Variants in SLC25A26 observed in about 807,000 individuals in gnomAD.
SLC25A26 encodes mitochondrial S-adenosylmethionine carrier protein.
In SLC25A26, 36 loss-of-function variants were observed where a neutral mutation model predicts 37.8. The ratio of observed to expected loss-of-function variants is 0.95; its 90% CI spans 0.73 to 1.26. The LOEUF is 1.26. Among genes scored for constraint, SLC25A26 ranks in the 50% most tolerant of loss-of-function variants. The probability of loss-of-function intolerance (pLI) is 0.00; values close to 1 mark genes in which losing one functional copy is unlikely to be tolerated. For synonymous variants in SLC25A26, 129 were observed against 122.5 expected (o/e 1.05, Z -0.35); for missense variants, 390 against 331.1 (o/e 1.18, Z -1.38).
chr3:66,227,401 C>T (rs965230732), intron 1 of SLC25A26, among the ~76,000 whole-genome samples: 4 of 151,978 alleles, frequency 2.6e-5, no homozygotes, highest in African/African-American at 7.3e-5. Flanking sequence ...TATAAAATGT[C>T]GTGTGCATTT....
chr3:66,341,418 A>G (rs1158515104), intron 5 of SLC25A26, among the ~76,000 whole-genome samples: 3 of 152,124 alleles, frequency 2.0e-5, no homozygotes, highest in African/African-American at 7.2e-5. Flanking sequence ...TTTAATTGGC[A>G]CTCTAACATG....
intron 6 of SLC25A26, among the ~76,000 whole-genome samples, chr3:66,358,498 G>T (rs781220116): frequency 6.6e-6 from 1 of 152,210 alleles, no homozygotes; most frequent in Non-Finnish European, 1.5e-5. Context: ...TGGAAGTAAA[G>T]TGTCTCATGA....
chr3:66,202,944 G>A (rs2071129375), intron 1 of SLC25A26, among the ~76,000 whole-genome samples: 1 of 152,090 alleles, frequency 6.6e-6, no homozygotes, highest in Non-Finnish European at 1.5e-5. Flanking sequence ...AATTATACAT[G>A]TATTACGTTG....
chr3:66,359,985 G>A (rs550863337), intron 6 of SLC25A26, among the ~76,000 whole-genome samples: 1 of 152,310 alleles, frequency 6.6e-6, no homozygotes, highest in African/African-American at 2.4e-5. Flanking sequence ...TATGGATAGA[G>A]GGAAATGTTG....
At chr3:66,263,780 T>A (rs1321661481) in intron 5 of SLC25A26, among the ~76,000 whole-genome samples, 3 of 152,092 alleles carry the variant, frequency 2.0e-5, no homozygotes, top group African/African-American at 7.2e-5. Context: ...TGCGTCAGCC[T>A]CCCGAGTAGC....
chr3:66,157,353 G>A (rs1478889079), intron 1 of SLC25A26, among the ~76,000 whole-genome samples: 1 of 152,178 alleles, frequency 6.6e-6, no homozygotes, highest in Admixed American at 6.5e-5. Flanking sequence ...ACTTTGGAAG[G>A]CCAGTGTGAG....
chr3:66,277,577 T>C (rs1203039141), intron 5 of SLC25A26, among the ~76,000 whole-genome samples: 1 of 152,150 alleles, frequency 6.6e-6, no homozygotes, highest in Non-Finnish European at 1.5e-5. Context: ...ACATTGTGTA[T>C]CAAATCATCA....
intron 5 of SLC25A26, among the ~76,000 whole-genome samples, chr3:66,296,112 G>A (rs1031595331): frequency 1.3e-5 from 2 of 151,912 alleles, no homozygotes; most frequent in Non-Finnish European, 1.5e-5. Context: ...GCAAGACTCC[G>A]TCTTGGAAAA....
chr3:66,277,569 A>G (rs925312038), intron 5 of SLC25A26, among the ~76,000 whole-genome samples: 2 of 152,142 alleles, frequency 1.3e-5, no homozygotes, highest in East Asian at 3.9e-4. Context: ...ATCATTACAC[A>G]TTGTGTATCA....
chr3:66,332,530 A>G (rs923884183), intron 5 of SLC25A26, among the ~76,000 whole-genome samples: 1 of 152,000 alleles, frequency 6.6e-6, no homozygotes, highest in East Asian at 1.9e-4. Flanking sequence ...ACAATTGATG[A>G]TTTTCTAGAA....
rs543566450 is a variant in SLC25A26 at position 66,265,240 on chromosome 3, G to A, written c.453+1861G>A. 7.8e-4 allele frequency among the ~76,000 whole-genome samples: 118 copies of A among 152,194 alleles called. 1 individual carries two copies. Among genetic ancestry groups the A allele is most frequent in the Admixed American group, 4.4e-3 (68 of 15,284 alleles). ...GAGGACTGCTTGAGCCTGGGATGTCGAGGCTGCAGTGAGCTGTGATTGTGC... is the reference window on the plus strand; with the variant it reads ...GAGGACTGCTTGAGCCTGGGATGTCAAGGCTGCAGTGAGCTGTGATTGTGC... On this transcript the variant is annotated intron_variant, in intron 5 of 9. Coordinates refer to ENST00000354883, the MANE Select transcript of SLC25A26 (RefSeq NM_001379210.1).
chr3:66,170,793 T>TG (rs1360635958), intron 1 of SLC25A26, among the ~76,000 whole-genome samples: 1 of 48,124 alleles, frequency 2.1e-5, no homozygotes, highest in East Asian at 4.3e-4. Flanking sequence ...TGATTATTGT[T>TG]TTTTTTTTTT....
chr3:66,318,561 T>C (rs2075604346), intron 5 of SLC25A26, among the ~76,000 whole-genome samples: 1 of 151,906 alleles, frequency 6.6e-6, no homozygotes, highest in African/African-American at 2.4e-5. Context: ...GATGCAGAAT[T>C]CACTCACCAT....
At chr3:66,210,774 A>C (rs2071274394) in intron 1 of SLC25A26, among the ~76,000 whole-genome samples, 2 of 151,908 alleles carry the variant, frequency 1.3e-5, no homozygotes, top group Non-Finnish European at 2.9e-5. Flanking sequence ...TCAGCCTCCC[A>C]AAATGCTGGG....
At chr3:66,245,491 G>A (rs1466164924) in intron 3 of SLC25A26, among the ~76,000 whole-genome samples, 1 of 152,136 alleles carries the variant, frequency 6.6e-6, no homozygotes, top group East Asian at 1.9e-4. Context: ...ACAACACAGT[G>A]AAGATAAAGG....
chr3:66,208,974 G>GTATA lies in SLC25A26; in HGVS notation c.-353-11756_-353-11753dup, dbSNP rs1553655988. 1.2e-3 allele frequency among the ~76,000 whole-genome samples: 102 copies of GTATA among 83,112 alleles called. 3 individuals carry two copies. The highest frequency in any genetic ancestry group is 1.7e-3 in the Non-Finnish European group (82 of 47,672). The allele number at this position is 83,112 out of a possible 152,430, so 54.5% of individuals were successfully genotyped here. A position where few individuals can be genotyped will look rare whatever the true frequency, so the allele number is the denominator to read the frequency against. On this transcript the variant is annotated intron_variant, in intron 1 of 10. Transcript: ENST00000676754. ...TATATATATACCCATATAAAGGTGT[G>GTATA]TATATATATATATATTTATGTACCC...
intron 3 of SLC25A26, 22 bp from the exon 4 acceptor site, chr3:66,262,029 T>C (rs1465038823): frequency 7.1e-7 from 1 of 1,418,378 alleles, no homozygotes; most frequent in South Asian, 1.3e-5. Flanking sequence ...CTTTTTAGGA[T>C]ATAATCAAAT....
At chr3:66,310,684 C>A (rs1181078477) in intron 5 of SLC25A26, among the ~76,000 whole-genome samples, 2 of 152,014 alleles carry the variant, frequency 1.3e-5, no homozygotes, top group Non-Finnish European at 2.9e-5. Flanking sequence ...TAAGGCAGGC[C>A]CGGTGGTGAC....
At chr3:66,242,473 G>C (rs938280605) in intron 2 of SLC25A26, among the ~76,000 whole-genome samples, 1 of 152,174 alleles carries the variant, frequency 6.6e-6, no homozygotes, top group Admixed American at 6.5e-5. Flanking sequence ...TCACCATCAA[G>C]CTGTTTTCCT....
Sources: allele counts gnomAD v4.1 joint callset (sites outside exome capture counted in the v4.1 genomes callset), GRCh38; gene constraint gnomAD v4.1.1; transcripts MANE v1.5; gene names NCBI Gene and HGNC (gene_info 2026-07-23, HGNC 2026-07-21).